The following NMNAT1 variants were observed in gnomAD, a reference collection of about 807,000 sequenced individuals.
The protein encoded by NMNAT1 is nicotinamide nucleotide adenylyltransferase 1, also known as nicotinamide/nicotinic acid mononucleotide adenylyltransferase 1.
A neutral mutation model predicts 16.7 loss-of-function variants in NMNAT1; 11 were observed. That is an observed-to-expected ratio of 0.66 (90% CI 0.41 to 1.09). The LOEUF is 1.09. Ranked by LOEUF, NMNAT1 falls within the 50% of genes least tolerant of loss-of-function variation. NMNAT1 has a pLI of 0.00. For missense variants in NMNAT1, 280 were observed against 332.3 expected, an observed-to-expected ratio of 0.84 and a Z score of 1.22; for synonymous variants, 110 against 119.8, an observed-to-expected ratio of 0.92 and a Z score of 0.53.
At chr1:9,959,861 G>A (rs1641362403) in intron 1 of NMNAT1, among the ~76,000 whole-genome samples, 1 of 152,070 alleles carries the variant, frequency 6.6e-6, no homozygotes, top group African/African-American at 2.4e-5. Flanking sequence ...CCCAGTGAAG[G>A]TACTCAAAAG....
At chr1:9,954,393 T>C (rs1288098396) in intron 1 of NMNAT1, among the ~76,000 whole-genome samples, 1 of 151,830 alleles carries the variant, frequency 6.6e-6, no homozygotes, top group Non-Finnish European at 1.5e-5. Context: ...CTATTTTTTG[T>C]AGAGATGATG....
chr1:9,950,310 C>T (rs930344358), intron 1 of NMNAT1, among the ~76,000 whole-genome samples: 2 of 152,152 alleles, frequency 1.3e-5, no homozygotes, highest in Non-Finnish European at 2.9e-5. Context: ...AGGCTGATCT[C>T]GAACTCCTGA....
intron 3 of NMNAT1, 28 bp downstream of exon 3, chr1:9,975,803 G>C (rs913728902): frequency 8.3e-6 from 13 of 1,564,856 alleles, no homozygotes; most frequent in Non-Finnish European, 1.1e-5. Context: ...AACTTTGTCA[G>C]TTCTGTGTAA....
At chr1:9,971,279 G>A (rs1045602597) in intron 1 of NMNAT1, among the ~76,000 whole-genome samples, 5 of 152,082 alleles carry the variant, frequency 3.3e-5, no homozygotes, top group African/African-American at 1.2e-4. Flanking sequence ...ATGGAGATGT[G>A]GAAACATTTT....
At chr1:9,948,797 C>T (rs1294996764) in intron 1 of NMNAT1, among the ~76,000 whole-genome samples, 1 of 151,656 alleles carries the variant, frequency 6.6e-6, no homozygotes, top group African/African-American at 2.4e-5. Flanking sequence ...CAGGCACCCG[C>T]CACCATGCCT....
At chr1:9,954,652 G>A (rs1382011396) in intron 1 of NMNAT1, among the ~76,000 whole-genome samples, 1 of 152,102 alleles carries the variant, frequency 6.6e-6, no homozygotes, top group East Asian at 1.9e-4. Flanking sequence ...AGGAATTTGG[G>A]CCAGGCATGG....
At position 9,975,649 on chromosome 1, in the gene NMNAT1, AAG is replaced by A. The variant is rs749173550; in HGVS notation, c.174_175del (p.Gly59ThrfsTer19). 1 of 1,614,058 alleles carries A rather than the reference AAG, an allele frequency of 6.2e-7. No homozygotes were observed. Among genetic ancestry groups the A allele is most frequent in the Non-Finnish European group, 8.5e-7 (1 of 1,179,978 alleles). ...CCTGTTGGTGATGCCTACAAGAAGAAAGGACTCATTCCTGCCTATCACCGGGT... is the reference window on the plus strand; with the variant it reads ...CCTGTTGGTGATGCCTACAAGAAGAAGACTCATTCCTGCCTATCACCGGGT... On this transcript the variant is annotated frameshift_variant, in exon 3 of 5. Coordinates refer to ENST00000377205, the MANE Select transcript of NMNAT1 (RefSeq NM_022787.4). LOFTEE classifies it high-confidence loss of function.
In NMNAT1 at chr1:9,983,657, A is replaced by G. The variant is rs1324825183; in HGVS notation, c.*956A>G. 6.8e-6 allele frequency: 1 copy of G among 147,634 alleles called. No individual in the cohort carries two copies. Among genetic ancestry groups the G allele is most frequent in the East Asian group, 1.9e-4 (1 of 5,132 alleles). The allele number at this position is 147,634 out of a possible 1,614,324, so 9.1% of individuals were successfully genotyped here. ...GGTGACAGAGCGAGACTCCATCTCA[A>G]AAAAAAAAAAAAGCCTGACAGCTAG... On this transcript the variant is annotated 3_prime_UTR_variant, in exon 5 of 5. Transcript: ENST00000377205.
the NMNAT1 span, among the ~76,000 whole-genome samples, chr1:9,996,261 A>G: frequency 6.7e-6 from 1 of 150,194 alleles, no homozygotes; most frequent in Non-Finnish European, 1.5e-5. Context: ...CAGTGAGCCG[A>G]GATCTCTCCA....
intron 1 of NMNAT1, among the ~76,000 whole-genome samples, chr1:9,959,548 G>A (rs1641353522): frequency 6.6e-6 from 1 of 151,778 alleles, no homozygotes. Flanking sequence ...GGGCGTGGTG[G>A]CATGCGCCTG....
intron 1 of NMNAT1, 83 bp from the exon 2 acceptor site, chr1:9,971,935 A>G: frequency 4.7e-6 from 3 of 640,198 alleles, no homozygotes; most frequent in Non-Finnish European, 8.5e-6. Flanking sequence ...GCATCACTAC[A>G]CTCTAGCCAG....
chr1:9,953,203 C>G (rs1345913631), intron 1 of NMNAT1, among the ~76,000 whole-genome samples: 1 of 150,946 alleles, frequency 6.6e-6, no homozygotes, highest in Non-Finnish European at 1.5e-5. Flanking sequence ...AGGATGGTCT[C>G]GATCTCCTGT....
chr1:9,980,934 G>C, intron 3 of NMNAT1, 97 bp from the exon 4 acceptor site: 1 of 1,359,298 alleles, frequency 7.4e-7, no homozygotes, highest in Non-Finnish European at 9.9e-7. Flanking sequence ...GGGATTACAG[G>C]TGTGAGCCAC....
At chr1:9,962,847 A>G (rs1042440837) in intron 1 of NMNAT1, among the ~76,000 whole-genome samples, 1 of 151,816 alleles carries the variant, frequency 6.6e-6, no homozygotes, top group Non-Finnish European at 1.5e-5. Context: ...ACACCCGGCT[A>G]ATTTTTTGTA....
chr1:9,955,403 CAAAA>C (rs71583829), intron 1 of NMNAT1, among the ~76,000 whole-genome samples: 3 of 90,822 alleles, frequency 3.3e-5, no homozygotes, highest in East Asian at 3.1e-4. Flanking sequence ...GACTTTGTCT[CAAAA>C]AAAAAAAAAA....
chr1:9,995,298 C>T, the NMNAT1 span, among the ~76,000 whole-genome samples: 1 of 151,998 alleles, frequency 6.6e-6, no homozygotes, highest in African/African-American at 2.4e-5. Flanking sequence ...ACTTAGAAGG[C>T]TGAGGCAGGA....
At chr1:9,953,536 G>T (rs1342320237) in intron 1 of NMNAT1, among the ~76,000 whole-genome samples, 1 of 151,876 alleles carries the variant, frequency 6.6e-6, no homozygotes, top group African/African-American at 2.4e-5. Context: ...TGCCTCCCGG[G>T]TTCAAGTGAT....
At chr1:9,947,438 C>T (rs1442884805) in intron 1 of NMNAT1, 1 of 152,566 alleles carries the variant, frequency 6.6e-6, no homozygotes, top group Non-Finnish European at 1.5e-5. Context: ...GTATATCCCT[C>T]CCGAAGCTGC....
At chr1:9,995,820 A>G in the NMNAT1 span, among the ~76,000 whole-genome samples, 3 of 152,004 alleles carry the variant, frequency 2.0e-5, no homozygotes, top group Admixed American at 6.6e-5. Context: ...CGAGGTCAGG[A>G]GCTCAAGACC....
Sources: allele counts gnomAD v4.1 joint callset (sites outside exome capture counted in the v4.1 genomes callset), GRCh38; gene constraint gnomAD v4.1.1; transcripts MANE v1.5; gene names NCBI Gene and HGNC (gene_info 2026-07-23, HGNC 2026-07-21).